The following FSHR variants were observed in gnomAD, a reference collection of about 807,000 sequenced individuals.
FSHR encodes the protein follicle-stimulating hormone receptor.
FSHR carries 46 observed loss-of-function variants against 52.1 expected under a neutral mutation model. That is an observed-to-expected ratio of 0.88 (90% CI 0.70 to 1.13). The LOEUF (loss-of-function observed/expected upper bound fraction) is 1.13, where lower values mean the gene tolerates loss of function less well. Among genes scored for constraint, FSHR ranks in the 50% most tolerant of loss-of-function variants. The pLI, the probability that FSHR is intolerant of heterozygous loss-of-function variation, is 0.00. For synonymous variants in FSHR, 399 were observed against 309.6 expected, an observed-to-expected ratio of 1.29 and a Z score of -3.03; for missense variants, 964 against 834.6, an observed-to-expected ratio of 1.16 and a Z score of -1.91.
At chr2:49,112,530 A>G (rs938010655) in intron 1 of FSHR, among the ~76,000 whole-genome samples, 2 of 152,196 alleles carry the variant, frequency 1.3e-5, no homozygotes, top group African/African-American at 4.8e-5. Context: ...AATATGTTAA[A>G]AATTTCAAAA....
At chr2:48,980,754 A>C (rs1184443629) in intron 8 of FSHR, among the ~76,000 whole-genome samples, 1 of 152,192 alleles carries the variant, frequency 6.6e-6, no homozygotes, top group Non-Finnish European at 1.5e-5. Context: ...TTTCTGGTCC[A>C]GACTCTGCCC....
At chr2:48,980,118 A>G (rs962136413) in intron 8 of FSHR, among the ~76,000 whole-genome samples, 1 of 152,216 alleles carries the variant, frequency 6.6e-6, no homozygotes, top group African/African-American at 2.4e-5. Flanking sequence ...TGAAAGCCCC[A>G]GAAAGGGGGG....
At chr2:48,980,212 C>T (rs1675185712) in intron 8 of FSHR, among the ~76,000 whole-genome samples, 1 of 152,208 alleles carries the variant, frequency 6.6e-6, no homozygotes. Context: ...CAGCCAGGAT[C>T]CTGCACTGAG....
chr2:49,127,747 CTTCT>C (rs1672061293), intron 1 of FSHR, among the ~76,000 whole-genome samples: 8 of 110,132 alleles, frequency 7.3e-5, no homozygotes, highest in African/African-American at 2.7e-4. Flanking sequence ...ATTTCTTCTT[CTTCT>C]TTCTTCTTCT....
At chr2:49,151,059 G>C (rs1044742399) in intron 1 of FSHR, among the ~76,000 whole-genome samples, 1 of 151,432 alleles carries the variant, frequency 6.6e-6, no homozygotes, top group Non-Finnish European at 1.5e-5. Context: ...CTGCTTTTCT[G>C]CTACTGTGAT....
At chr2:49,009,026 C>G (rs12477940) in intron 4 of FSHR, among the ~76,000 whole-genome samples, 97,548 of 146,054 alleles carry the variant, frequency 0.67, 34,033 homozygotes, top group Admixed American at 0.77. Flanking sequence ...AAGCTCCTTA[C>G]TTTAATTAGA....
chr2:49,068,176 A>T (rs748833402), intron 2 of FSHR, 43 bp downstream of exon 2: 1 of 1,491,282 alleles, frequency 6.7e-7, no homozygotes, highest in South Asian at 1.1e-5. Flanking sequence ...TGCTCCCTAT[A>T]GCCCCCTTGA....
chr2:48,979,788 C>A (rs534665401), intron 8 of FSHR, among the ~76,000 whole-genome samples: 1 of 151,750 alleles, frequency 6.6e-6, no homozygotes, highest in African/African-American at 2.4e-5. Context: ...CTCCCGCATG[C>A]AGATATATCA....
intron 8 of FSHR, among the ~76,000 whole-genome samples, chr2:48,975,442 C>A (rs1301013784): frequency 6.6e-6 from 1 of 152,100 alleles, no homozygotes; most frequent in Non-Finnish European, 1.5e-5. Flanking sequence ...CTACTTACTC[C>A]CCAGTGCATG....
chr2:48,979,833 G>C (rs995712397), intron 8 of FSHR, among the ~76,000 whole-genome samples: 1 of 152,078 alleles, frequency 6.6e-6, no homozygotes, highest in South Asian at 2.1e-4. Context: ...GTGTGTGTGG[G>C]AGCGGGGACT....
At chr2:49,014,894 C>A (rs1213410351) in intron 4 of FSHR, 1 of 470,006 alleles carries the variant, frequency 2.1e-6, no homozygotes, top group East Asian at 7.0e-5. Flanking sequence ...ACTGAAGGCT[C>A]TATGATCCCC....
chr2:48,990,661 G>T (rs1488909883), intron 4 of FSHR, 24 bp from the exon 5 acceptor site: 1 of 1,413,176 alleles, frequency 7.1e-7, no homozygotes, highest in Non-Finnish European at 1.0e-6. Context: ...AAATGAGAGT[G>T]AGTGAAAATG....
Position 49,154,402 on chromosome 2 carries a change from C to T in FSHR, c.16G>A (p.Val6Ile). ...AAGCTCAGGAATGCCAGCAAAGAGA[C>T]CAGGAGCAGGGCCATAATTATGCAT... MALLL[V>I]SLLAFLSLGS... The change falls in exon 1 of 10, where the codon GTC becomes ATC. Residue 6 changes from valine to isoleucine, a missense_variant. Coordinates refer to ENST00000406846, the MANE Select transcript of FSHR (RefSeq NM_000145.4). The T allele has an allele frequency of 6.2e-7, 1 of 1,612,600 alleles. No individual in the cohort carries two copies. Among genetic ancestry groups the T allele is most frequent in the South Asian group, 1.1e-5 (1 of 90,994 alleles).
intron 2 of FSHR, among the ~76,000 whole-genome samples, chr2:49,028,292 C>T (rs10495962): frequency 0.22 from 33,070 of 152,042 alleles, 4,096 homozygotes; most frequent in East Asian, 0.43. Flanking sequence ...AAATGCTCTG[C>T]ATGGGTAATC....
chr2:49,053,911 T>C lies in FSHR; in HGVS notation c.224+14308A>G, dbSNP rs151304170. 4.7e-4 allele frequency among the ~76,000 whole-genome samples: 71 copies of C among 152,264 alleles called. 1 individual carries two copies. The East Asian group carries it at 0.013, about 28-fold the overall frequency. On this transcript the variant is annotated intron_variant, in intron 2 of 9. Coordinates refer to ENST00000406846, the MANE Select transcript of FSHR (RefSeq NM_000145.4). ...TAAGGGCCTTGACAACTCTATGACA[T>C]AGACCTTAGTATTAACATTTTCCAG...
At chr2:49,135,356 T>C (rs1200585885) in intron 1 of FSHR, among the ~76,000 whole-genome samples, 15 of 151,860 alleles carry the variant, frequency 9.9e-5, no homozygotes, top group Non-Finnish European at 2.9e-5. Context: ...ACCAGCACAA[T>C]ACTCAATAAC....
At chr2:49,109,262 C>G (rs1317590868) in intron 1 of FSHR, among the ~76,000 whole-genome samples, 1 of 151,946 alleles carries the variant, frequency 6.6e-6, no homozygotes, top group Non-Finnish European at 1.5e-5. Context: ...GTTGCAGGAG[C>G]AGAGTGGGTG....
intron 2 of FSHR, among the ~76,000 whole-genome samples, chr2:49,021,880 TATATATAGAGAGAGAGAGAGAGAG>T (rs1436226460): frequency 3.7e-4 from 19 of 51,302 alleles, no homozygotes; most frequent in East Asian, 1.1e-3. Context: ...TATATATATA[TATATATAGAGAGAGAGAGAGAGAG>T]AGAGAGAGAG....
chr2:48,985,061 G>A (rs187690507), intron 6 of FSHR, among the ~76,000 whole-genome samples: 2 of 152,212 alleles, frequency 1.3e-5, no homozygotes, highest in African/African-American at 4.8e-5. Context: ...TTTATTACAC[G>A]CACCCCTGGT....
Sources: allele counts gnomAD v4.1 joint callset (sites outside exome capture counted in the v4.1 genomes callset), GRCh38; gene constraint gnomAD v4.1.1; transcripts MANE v1.5; gene names NCBI Gene and HGNC (gene_info 2026-07-23, HGNC 2026-07-21).